GPC5: variants seen among roughly 807,000 people sequenced by gnomAD.
The protein encoded by GPC5 is glypican 5.
GPC5 carries 47 observed loss-of-function variants against 53.9 expected under a neutral mutation model. The ratio of observed to expected loss-of-function variants is 0.87; its 90% confidence interval spans 0.69 to 1.11. GPC5 has a LOEUF of 1.11. Ranked by LOEUF, GPC5 falls within the 50% of genes most tolerant of loss-of-function variation. The pLI, the probability that GPC5 is intolerant of heterozygous loss-of-function variation, is 0.00. For synonymous variants in GPC5, 286 were observed against 263.3 expected, an observed-to-expected ratio of 1.09 and a Z score of -0.84; for missense variants, 748 against 713.1, an observed-to-expected ratio of 1.05 and a Z score of -0.56.
intron 7 of GPC5, among the ~76,000 whole-genome samples, chr13:92,392,650 T>A (rs1875060364): frequency 6.6e-6 from 1 of 152,086 alleles, no homozygotes. Flanking sequence ...TTGCAAACTA[T>A]GCATCTGACA....
chr13:91,554,308 A>G (rs972207026), intron 2 of GPC5, among the ~76,000 whole-genome samples: 9 of 152,046 alleles, frequency 5.9e-5, no homozygotes, highest in African/African-American at 2.2e-4. Context: ...TCACAGACAC[A>G]GAGACTCAAC....
intron 2 of GPC5, among the ~76,000 whole-genome samples, chr13:91,481,202 G>A (rs1883281300): frequency 6.6e-6 from 1 of 152,094 alleles, no homozygotes; most frequent in African/African-American, 2.4e-5. Flanking sequence ...ATGGGACATC[G>A]TTATTTTAAA....
chr13:92,599,608 G>C (rs1883983232), intron 7 of GPC5, among the ~76,000 whole-genome samples: 1 of 152,188 alleles, frequency 6.6e-6, no homozygotes, highest in African/African-American at 2.4e-5. Flanking sequence ...TGACAGAGCA[G>C]AACTATTGAT....
intron 6 of GPC5, among the ~76,000 whole-genome samples, chr13:91,937,371 T>C (rs1330308588): frequency 6.6e-6 from 1 of 152,082 alleles, no homozygotes; most frequent in Non-Finnish European, 1.5e-5. Context: ...TCTTTTTACG[T>C]GATGTTTCTG....
At chr13:91,614,352 A>G (rs553077021) in intron 2 of GPC5, among the ~76,000 whole-genome samples, 188 of 152,218 alleles carry the variant, frequency 1.2e-3, no homozygotes, top group African/African-American at 4.1e-3. Context: ...TTTTGAGACA[A>G]GGTCTCACTC....
At position 91,756,486 on chromosome 13, in the gene GPC5, A is replaced by G; in HGVS notation, c.1280+66A>G. Reference sequence around the variant, plus strand: ...CCTTGCTTTCTTTTTCTGAATCTTAAGGGGATTAATTCAGTCTTAACTTTG... The same window carrying G: ...CCTTGCTTTCTTTTTCTGAATCTTAGGGGGATTAATTCAGTCTTAACTTTG... On this transcript the variant is annotated intron_variant, in intron 5 of 7. Coordinates refer to ENST00000377067, the MANE Select transcript of GPC5 (RefSeq NM_004466.6). 5 of 1,363,944 alleles carry G rather than the reference A, an allele frequency of 3.7e-6. No homozygotes were observed. The South Asian group carries it at 6.5e-5, about 18-fold the overall frequency. 84.5% of individuals were successfully genotyped at this position (1,363,944 alleles called of 1,614,324 possible). A position where few individuals can be genotyped will look rare whatever the true frequency, so the allele number is the denominator to read the frequency against.
chr13:92,211,256 G>A (rs9301785), intron 7 of GPC5, among the ~76,000 whole-genome samples: 4,677 of 152,228 alleles, frequency 0.031, 245 homozygotes, highest in African/African-American at 0.11. Context: ...AACTCTTAAG[G>A]CAAACAAGCA....
At chr13:91,566,768 C>A (rs527966896) in intron 2 of GPC5, among the ~76,000 whole-genome samples, 1 of 152,140 alleles carries the variant, frequency 6.6e-6, no homozygotes, top group Non-Finnish European at 1.5e-5. Context: ...AAAGGAAAAG[C>A]ACATCATATC....
chr13:92,527,245 GAAAGAGAA>G (rs1171633472), intron 7 of GPC5, among the ~76,000 whole-genome samples: 46 of 36,000 alleles, frequency 1.3e-3, no homozygotes, highest in African/African-American at 2.4e-3. Context: ...AAGAAAGAAA[GAAAGAGAA>G]AGAAAGAAAG....
At chr13:92,472,514 A>C (rs945316755) in intron 7 of GPC5, among the ~76,000 whole-genome samples, 1 of 152,106 alleles carries the variant, frequency 6.6e-6, no homozygotes, top group Admixed American at 6.6e-5. Flanking sequence ...AGAAGATGCA[A>C]ATACCTCTTG....
intron 6 of GPC5, among the ~76,000 whole-genome samples, chr13:92,002,233 C>A (rs2040562222): frequency 6.6e-6 from 1 of 151,998 alleles, no homozygotes; most frequent in African/African-American, 2.4e-5. Context: ...AAGAATGCTT[C>A]TATACAGGGA....
intron 1 of GPC5, among the ~76,000 whole-genome samples, chr13:91,411,744 TCCTG>T (rs1877809312): frequency 6.6e-6 from 1 of 152,216 alleles, no homozygotes; most frequent in African/African-American, 2.4e-5. Flanking sequence ...CTTTCCTATA[TCCTG>T]CTCTTTATAA....
intron 7 of GPC5, among the ~76,000 whole-genome samples, chr13:92,443,247 T>A (rs944940027): frequency 1.2e-4 from 18 of 152,156 alleles, no homozygotes; most frequent in Admixed American, 3.3e-4. Context: ...TTACTGAGAG[T>A]ATGGCACAAA....
chr13:92,536,442 A>G (rs1881724837), intron 7 of GPC5, among the ~76,000 whole-genome samples: 1 of 152,178 alleles, frequency 6.6e-6, no homozygotes. Flanking sequence ...TACAAAGATC[A>G]GAATATTCAG....
intron 7 of GPC5, among the ~76,000 whole-genome samples, chr13:92,668,920 G>T (rs1422540320): frequency 6.6e-6 from 1 of 151,946 alleles, no homozygotes; most frequent in East Asian, 1.9e-4. Flanking sequence ...ATCAATAATT[G>T]CTTATAGTGT....
chr13:92,472,036 A>C (rs1878932911), intron 7 of GPC5, among the ~76,000 whole-genome samples: 1 of 152,098 alleles, frequency 6.6e-6, no homozygotes, highest in Non-Finnish European at 1.5e-5. Context: ...AGCATGGATG[A>C]AGTATTGTTT....
chr13:91,575,197 T>G (rs2032087510), intron 2 of GPC5, among the ~76,000 whole-genome samples: 1 of 152,182 alleles, frequency 6.6e-6, no homozygotes, highest in Admixed American at 6.6e-5. Context: ...TTTTACTACA[T>G]TGAATTTGTT....
chr13:92,787,667 C>CAAAA lies in GPC5; in HGVS notation c.1562-78602_1562-78599dup, dbSNP rs71202562. Among the ~76,000 whole-genome samples, 438 of 56,192 alleles carry CAAAA rather than the reference C, an allele frequency of 7.8e-3. 14 individuals carry two copies. Among genetic ancestry groups the CAAAA allele is most frequent in the African/African-American group, 0.03 (420 of 14,038 alleles). 36.9% of individuals were successfully genotyped at this position (56,192 alleles called of 152,430 possible). On this transcript the variant is annotated intron_variant, in intron 7 of 7. Transcript: ENST00000377067. ...GGGCAACAGAGAGACCTCATAGCTACAAAAAAAAAAAAAAAAGAAAAGAAA... is the reference window on the plus strand; with the variant it reads ...GGGCAACAGAGAGACCTCATAGCTACAAAAAAAAAAAAAAAAAAAAGAAAAGAAA...
chr13:91,454,569 A>T (rs549075170), intron 2 of GPC5, among the ~76,000 whole-genome samples: 18 of 152,238 alleles, frequency 1.2e-4, no homozygotes, highest in Admixed American at 4.6e-4. Context: ...TCAGATATTT[A>T]TCATTTTGCT....
Sources: allele counts gnomAD v4.1 joint callset (sites outside exome capture counted in the v4.1 genomes callset), GRCh38; gene constraint gnomAD v4.1.1; transcripts MANE v1.5; gene names NCBI Gene and HGNC (gene_info 2026-07-23, HGNC 2026-07-21).